ACAN: variants seen among roughly 807,000 people sequenced by gnomAD.
The protein encoded by ACAN is aggrecan core protein.
In ACAN, 47 loss-of-function variants were observed where a neutral mutation model predicts 169.1. That is an observed-to-expected ratio of 0.28 (90% CI 0.22 to 0.35). The LOEUF (loss-of-function observed/expected upper bound fraction) is 0.35. Among genes scored for constraint, ACAN ranks in the 10% least tolerant of loss-of-function variants. ACAN has a pLI of 1.00. For synonymous variants in ACAN, 1,115 were observed against 1,112.2 expected (o/e 1.00, Z -0.05); for missense variants, 2,716 against 2,759.9 (o/e 0.98, Z 0.36).
At position 88,854,983 on chromosome 15, in the gene ACAN, T is replaced by C; in HGVS notation, c.2398T>C (p.Ser800Pro). 2 of 1,597,194 alleles carry C rather than the reference T, an allele frequency of 1.3e-6. No homozygotes were observed. Among genetic ancestry groups the C allele is most frequent in the South Asian group, 1.1e-5 (1 of 87,602 alleles). ...SEVPFPSEEP[S>P]PSEEPFPSVR... ...GGTGCCATTCCCCTCAGAGGAGCCA[T>C]CCCCCTCAGAGGAACCATTCCCCTC... The change falls in exon 12 of 19, where the codon TCC becomes CCC. Residue 800 changes from serine to proline, a missense_variant. Coordinates refer to ENST00000560601, the MANE Select transcript of ACAN (RefSeq NM_001369268.1).
chr15:88,858,983 C>T lies in ACAN; in HGVS notation c.6398C>T (p.Thr2133Ile). The T allele has an allele frequency of 6.2e-7, 1 of 1,613,956 alleles. No homozygotes were observed. Among genetic ancestry groups the T allele is most frequent in the Non-Finnish European group, 8.5e-7 (1 of 1,179,878 alleles). The change falls in exon 12 of 19, where the codon ACC becomes ATC. Residue 2133 changes from threonine to isoleucine, a missense_variant. Transcript: ENST00000560601. The surrounding 1 kb of genome is among the most constrained non-coding windows in gnomAD (Gnocchi z 4.0). The stretch of plus-strand genomic sequence containing the variant: ...GGGTCCCCTGATCTGAGTGAAACCA[C>T]CTCTGCATTCCACGAAGCTAACCTT... ...DSGSPDLSET[T>I]SAFHEANLER...
chr15:88,809,652 T>C (rs576509636), intron 1 of ACAN, among the ~76,000 whole-genome samples: 149 of 152,342 alleles, frequency 9.8e-4, no homozygotes, highest in African/African-American at 3.5e-3. Flanking sequence ...CTTTGCAAGA[T>C]GCAGGGACCT....
chr15:88,850,270 A>G (rs1345273292), intron 10 of ACAN: 2 of 186,562 alleles, frequency 1.1e-5, no homozygotes, highest in Non-Finnish European at 2.2e-5. Context: ...AGTTTAGTCA[A>G]ATTATTCTAT....
At chr15:88,813,256 T>A (rs11073812) in intron 1 of ACAN, among the ~76,000 whole-genome samples, 45,831 of 152,138 alleles carry the variant, frequency 0.3, 8,249 homozygotes, top group East Asian at 0.57. Flanking sequence ...TGATACCCCA[T>A]GGGGGCTAGA....
Position 88,847,363 on chromosome 15 carries a change from A to G in ACAN, c.1550A>G (p.Tyr517Cys), listed in dbSNP as rs759770403. 1 of 1,592,354 alleles carries G rather than the reference A, an allele frequency of 6.3e-7. No individual in the cohort carries two copies. The highest frequency in any genetic ancestry group is 2.3e-5 in the East Asian group (1 of 43,830). Residue 517 changes from tyrosine to cysteine, a missense_variant, in exon 8 of 19, where the codon TAC (tyrosine) becomes TGC (cysteine). Physicochemically the swap from Tyr to Cys is radical, Grantham distance 194. Coordinates refer to ENST00000560601, the MANE Select transcript of ACAN (RefSeq NM_001369268.1). ...IASPEQLQAA[Y>C]EAGYEQCDAG... Reference sequence around the variant, plus strand: ...TCGCCGGAGCAGCTCCAGGCCGCCTACGAAGCAGGCTATGAGCAGTGTGAC... The same window carrying G: ...TCGCCGGAGCAGCTCCAGGCCGCCTGCGAAGCAGGCTATGAGCAGTGTGAC...
In ACAN at chr15:88,849,748, C is replaced by T. The variant is rs367736498; in HGVS notation, c.2026+17C>T. 13 of 1,612,026 alleles carry T rather than the reference C, an allele frequency of 8.1e-6. No individual in the cohort carries two copies. Among genetic ancestry groups the T allele is most frequent in the African/African-American group, 8.0e-5 (6 of 74,898 alleles). On this transcript the variant is annotated intron_variant, in intron 10 of 18. Coordinates refer to ENST00000560601, the MANE Select transcript of ACAN (RefSeq NM_001369268.1). This position sits in a 1 kb window ranked among gnomAD's most constrained non-coding sequence, Gnocchi z 5.1. The stretch of plus-strand genomic sequence containing the variant: ...GCTTCCGAGGTATGCAGCCTCACTT[C>T]GGCTCCAACAGCCCCTTTTGTCTGG...
intron 1 of ACAN, among the ~76,000 whole-genome samples, chr15:88,828,039 C>T (rs1896267793): frequency 6.6e-6 from 1 of 152,086 alleles, no homozygotes; most frequent in African/African-American, 2.4e-5. Flanking sequence ...GGGAAAGAAG[C>T]CACAAGCCAA....
At chr15:88,833,386 C>G (rs778167693) in intron 1 of ACAN, among the ~76,000 whole-genome samples, 7 of 152,182 alleles carry the variant, frequency 4.6e-5, no homozygotes, top group Non-Finnish European at 1.0e-4. Flanking sequence ...GCTCCCCTCT[C>G]CACTTCATTT....
At chr15:88,829,553 G>T (rs1312351704) in intron 1 of ACAN, among the ~76,000 whole-genome samples, 2 of 152,184 alleles carry the variant, frequency 1.3e-5, no homozygotes, top group Non-Finnish European at 2.9e-5. Context: ...ATATGCTACT[G>T]CGTTTATGCA....
chr15:88,852,667 C>A (rs1331584812), intron 11 of ACAN, among the ~76,000 whole-genome samples: 2 of 152,204 alleles, frequency 1.3e-5, no homozygotes, highest in African/African-American at 4.8e-5. Flanking sequence ...CACTGCAGAC[C>A]TTCTCAGAGC....
Position 88,858,646 on chromosome 15 carries a change from G to A in ACAN, c.6061G>A (p.Ala2021Thr), listed in dbSNP as rs1377382843. The A allele has an allele frequency of 6.2e-6, 10 of 1,613,842 alleles. No homozygotes were observed. Among genetic ancestry groups the A allele is most frequent in the Non-Finnish European group, 8.5e-6 (10 of 1,179,906 alleles). ...CAATGTAAGTGGAGAATCCTCTGTA[G>A]CCATGGGCACCAGTGGAGAGGCCTC... ...TTNVSGESSVAMGTSGEASGL... is the reference protein window; with the variant it reads ...TTNVSGESSVTMGTSGEASGL... Residue 2021 changes from alanine to threonine, a missense_variant, in exon 12 of 19, where the codon GCC (alanine) becomes ACC (threonine). Transcript: ENST00000560601. This position sits in a 1 kb window ranked among gnomAD's most constrained non-coding sequence, Gnocchi z 4.0.
At chr15:88,826,734 T>C (rs1021140427) in intron 1 of ACAN, among the ~76,000 whole-genome samples, 1 of 152,222 alleles carries the variant, frequency 6.6e-6, no homozygotes, top group East Asian at 1.9e-4. Flanking sequence ...TACCAACCCC[T>C]AAAACTTTCC....
At chr15:88,813,978 G>A (rs1022892122) in intron 1 of ACAN, among the ~76,000 whole-genome samples, 7 of 152,180 alleles carry the variant, frequency 4.6e-5, no homozygotes, top group Admixed American at 3.9e-4. Context: ...TGGCACATTG[G>A]TACCTACATA....
chr15:88,859,488 A>G, intron 12 of ACAN, 71 bp downstream of exon 12: 3 of 1,545,974 alleles, frequency 1.9e-6, no homozygotes, highest in Non-Finnish European at 2.6e-6. Flanking sequence ...GCACAGAAGG[A>G]GGCAGCATAG....
chr15:88,857,197 T>G lies in ACAN; in HGVS notation c.4612T>G (p.Ser1538Ala). The G allele has an allele frequency of 6.2e-7, 1 of 1,613,738 alleles. No individual in the cohort carries two copies. Among genetic ancestry groups the G allele is most frequent in the South Asian group, 1.1e-5 (1 of 91,074 alleles). The part of the protein sequence containing the change: ...LPSGEEVLEI[S>A]ASGFGDLSGL... ...TTCTGGAGAAGAAGTTCTAGAGATT[T>G]CTGCCTCTGGATTTGGGGACCTCAG... Residue 1538 changes from serine to alanine, a missense_variant, in exon 12 of 19, where the codon TCT becomes GCT. By Grantham distance (99) the Ser-to-Ala change is moderately conservative (BLOSUM62 1). This residue lies in a region of ACAN where 1,389 missense variants were observed against 1,363.7 expected (regional missense o/e 1.02). Coordinates refer to ENST00000560601, the MANE Select transcript of ACAN (RefSeq NM_001369268.1).
chr15:88,845,894 C>T lies in ACAN; in HGVS notation c.1429+12C>T, dbSNP rs1567179131. The T allele has an allele frequency of 1.4e-6, 2 of 1,445,114 alleles. No homozygotes were observed. Among genetic ancestry groups the T allele is most frequent in the Non-Finnish European group, 1.8e-6 (2 of 1,095,788 alleles). The allele number at this position is 1,445,114 out of a possible 1,614,324, so 89.5% of individuals were successfully genotyped here. A position where few individuals can be genotyped will look rare whatever the true frequency, so the allele number is the denominator to read the frequency against. ...GCATTTGCCAGGGGGTAAGTAGCTG[C>T]CCGTGGGTGCATCCAGGGGCAGGTG... is the stretch of plus-strand genomic sequence containing the variant. On this transcript the variant is annotated intron_variant, in intron 7 of 18. Coordinates refer to ENST00000560601, the MANE Select transcript of ACAN (RefSeq NM_001369268.1).
In ACAN at chr15:88,851,552, T is replaced by C; in HGVS notation, c.2027-242T>C. ...AGGCTTTAGAGCAATGCCCGGCATA[T>C]ATGGTCAATTCTGCAGGGGAGATGC... On this transcript the variant is annotated intron_variant, in intron 10 of 18. Coordinates refer to ENST00000560601, the MANE Select transcript of ACAN (RefSeq NM_001369268.1). The surrounding 1 kb of genome is among the most constrained non-coding windows in gnomAD (Gnocchi z 4.3). 1 of 466,972 alleles carries C rather than the reference T, an allele frequency of 2.1e-6. No individual in the cohort carries two copies. The highest frequency in any genetic ancestry group is 3.3e-5 in the East Asian group (1 of 30,060). The allele number at this position is 466,972 out of a possible 1,614,324, so 28.9% of individuals were successfully genotyped here.
At chr15:88,805,863 C>T (rs1895666626) in intron 1 of ACAN, among the ~76,000 whole-genome samples, 1 of 152,156 alleles carries the variant, frequency 6.6e-6, no homozygotes, top group African/African-American at 2.4e-5. Flanking sequence ...GCCCCTGTTC[C>T]CCATCTCTCT....
At chr15:88,810,807 C>T (rs1383329051) in intron 1 of ACAN, among the ~76,000 whole-genome samples, 2 of 152,122 alleles carry the variant, frequency 1.3e-5, no homozygotes, top group African/African-American at 2.4e-5. Context: ...GGCTTGGAGG[C>T]GGGGAATCTG....
Sources: allele counts gnomAD v4.1 joint callset (sites outside exome capture counted in the v4.1 genomes callset), GRCh38; gene constraint gnomAD v4.1.1; regional missense constraint gnomAD v4.1.1; non-coding constraint Gnocchi (gnomAD v3.1); transcripts MANE v1.5; gene names NCBI Gene and HGNC (gene_info 2026-07-23, HGNC 2026-07-21).